The following PARP15 variants were observed in gnomAD, a reference collection of about 807,000 sequenced individuals.
The protein encoded by PARP15 is poly(ADP-ribose) polymerase family member 15.
PARP15 carries 50 observed loss-of-function variants against 62.1 expected under a neutral mutation model. The ratio of observed to expected loss-of-function variants is 0.81; its 90% CI spans 0.64 to 1.02. The LOEUF (loss-of-function observed/expected upper bound fraction) is 1.02. PARP15 is among the 50% of genes least tolerant of loss of function. The pLI is 0.00. For missense variants in PARP15, 820 were observed against 826.5 expected, an observed-to-expected ratio of 0.99 and a Z score of 0.10; for synonymous variants, 309 against 293.1, an observed-to-expected ratio of 1.05 and a Z score of -0.55.
At chr3:122,615,041 A>AG in intron 4 of PARP15, 1 of 971,590 alleles carries the variant, frequency 1.0e-6, no homozygotes, top group Non-Finnish European at 1.2e-6. Context: ...AAAAAAAAAA[A>AG]AAAAAGAAAA....
intron 1 of PARP15, among the ~76,000 whole-genome samples, chr3:122,582,451 A>G (rs1262986097): frequency 6.6e-6 from 1 of 152,242 alleles, no homozygotes; most frequent in Non-Finnish European, 1.5e-5. Context: ...TGTTGAGATT[A>G]AATGTAAGAG....
At chr3:122,625,726 C>A (rs1936680100) in intron 8 of PARP15, among the ~76,000 whole-genome samples, 1 of 152,182 alleles carries the variant, frequency 6.6e-6, no homozygotes, top group Admixed American at 6.5e-5. Flanking sequence ...CTTGCTGATA[C>A]CTTGGCCTCA....
intron 2 of PARP15, 63 bp downstream of exon 2, chr3:122,606,118 A>G (rs1186984815): frequency 1.4e-6 from 2 of 1,469,382 alleles, no homozygotes; most frequent in Non-Finnish European, 1.8e-6. Flanking sequence ...TTGTTCTGTG[A>G]GTTGTTCCAT....
chr3:122,623,824 C>T (rs902445506), intron 8 of PARP15, among the ~76,000 whole-genome samples: 1 of 152,132 alleles, frequency 6.6e-6, no homozygotes, highest in Non-Finnish European at 1.5e-5. Flanking sequence ...TGTTCTCTTC[C>T]CCATTGATTT....
chr3:122,599,041 G>A (rs552674339), intron 1 of PARP15, among the ~76,000 whole-genome samples: 7 of 152,162 alleles, frequency 4.6e-5, no homozygotes, highest in African/African-American at 1.4e-4. Context: ...GACTTCAGGT[G>A]TGCGCCACCA....
intron 4 of PARP15, chr3:122,615,090 AG>A (rs1935864903): frequency 2.0e-6 from 2 of 984,422 alleles, no homozygotes. Flanking sequence ...AAGAAAAAGT[AG>A]AAACAGTCCC....
intron 1 of PARP15, among the ~76,000 whole-genome samples, chr3:122,591,764 CA>C (rs66536667): frequency 5.8e-4 from 60 of 103,408 alleles, no homozygotes; most frequent in African/African-American, 1.9e-3. Context: ...GACTCTGTCT[CA>C]AAAAAAAAAA....
Position 122,594,607 on chromosome 3 carries a change from G to T in PARP15, c.187-11329G>T, listed in dbSNP as rs912282768. The T allele has an allele frequency of 3.2e-6, 3 of 946,378 alleles. No homozygotes were observed. The East Asian group carries it at 3.5e-4, about 109-fold the overall frequency. The allele number at this position is 946,378 out of a possible 1,614,324, so 58.6% of individuals were successfully genotyped here. Reference sequence around the variant, plus strand: ...GGTAGGGGAGGTTGAAATTGACGTTGTGAAATCTAACTTTACATAGAAATT... The same window carrying T: ...GGTAGGGGAGGTTGAAATTGACGTTTTGAAATCTAACTTTACATAGAAATT... On this transcript the variant is annotated intron_variant, in intron 1 of 11. Transcript: ENST00000464300.
intron 1 of PARP15, among the ~76,000 whole-genome samples, chr3:122,581,819 A>G (rs1932971691): frequency 6.6e-6 from 1 of 152,174 alleles, no homozygotes. Flanking sequence ...GCCAAATTCA[A>G]TGCCATCAAG....
intron 1 of PARP15, among the ~76,000 whole-genome samples, chr3:122,595,967 T>C (rs1276314980): frequency 6.6e-6 from 1 of 152,178 alleles, no homozygotes; most frequent in Non-Finnish European, 1.5e-5. Flanking sequence ...ACTGTGTACC[T>C]ATGGCTCAGT....
chr3:122,577,822 A>G lies in PARP15; in HGVS notation c.155A>G (p.Lys52Arg), dbSNP rs1559912029. ...VLPAGNRGAR[K>R]ASRRSSSRSM... ...CCGGCCGGGAACCGTGGGGCGCGGA[A>G]GGCCTCCCGGCGCTCTTCCTCCCGG... The change falls in exon 1 of 12, where the codon AAG becomes AGG. Residue 52 changes from lysine (K) to arginine (R), a missense_variant. Lys to Arg is a conservative substitution (Grantham distance 26). Coordinates refer to ENST00000464300, the MANE Select transcript of PARP15 (RefSeq NM_001113523.3). The G allele has an allele frequency of 1.3e-6, 2 of 1,550,258 alleles. No individual in the cohort carries two copies. Among genetic ancestry groups the G allele is most frequent in the East Asian group, 2.4e-5 (1 of 40,850 alleles).
chr3:122,579,603 T>C (rs746457418), intron 1 of PARP15, among the ~76,000 whole-genome samples: 20 of 152,244 alleles, frequency 1.3e-4, no homozygotes, highest in Non-Finnish European at 2.8e-4. Context: ...TAGGTATCAC[T>C]AATTTGCTAC....
Position 122,608,143 on chromosome 3 carries a change from T to TA in PARP15, c.306+2088_306+2089insA, listed in dbSNP as rs1204793263. 3.7e-3 allele frequency among the ~76,000 whole-genome samples: 563 copies of TA among 152,152 alleles called. 2 individuals are homozygous for TA. Among genetic ancestry groups the TA allele is most frequent in the Non-Finnish European group, 6.9e-3 (468 of 67,970 alleles). On this transcript the variant is annotated intron_variant, in intron 2 of 11. Coordinates refer to ENST00000464300, the MANE Select transcript of PARP15 (RefSeq NM_001113523.3). Reference sequence around the variant, plus strand: ...GCCGCTCTTCTCACTACTGAACCTCTGCTTTAGCTAAATTTGGACTACTTT... The same window carrying TA: ...GCCGCTCTTCTCACTACTGAACCTCTAGCTTTAGCTAAATTTGGACTACTTT...
intron 4 of PARP15, chr3:122,615,388 C>G: frequency 7.7e-7 from 1 of 1,296,686 alleles, no homozygotes; most frequent in Non-Finnish European, 1.0e-6. Flanking sequence ...AACGTTGTTG[C>G]CCTGCCCCCT....
chr3:122,617,576 GCTCTT>G (rs1432439388), intron 6 of PARP15, among the ~76,000 whole-genome samples: 3 of 152,100 alleles, frequency 2.0e-5, no homozygotes, highest in Non-Finnish European at 4.4e-5. Context: ...ACCTTCGGTA[GCTCTT>G]CTCTTCTCTG....
intron 1 of PARP15, among the ~76,000 whole-genome samples, chr3:122,593,389 A>G (rs1257893760): frequency 6.6e-6 from 1 of 152,020 alleles, no homozygotes; most frequent in Non-Finnish European, 1.5e-5. Context: ...TGATCCACCC[A>G]CCTCAGCCTC....
At chr3:122,604,888 T>A (rs924619572) in intron 1 of PARP15, among the ~76,000 whole-genome samples, 39 of 146,040 alleles carry the variant, frequency 2.7e-4, no homozygotes, top group African/African-American at 9.5e-4. Flanking sequence ...ATACAGAAAT[T>A]AGCGGGGTGT....
At chr3:122,591,062 T>C (rs1359697090) in intron 1 of PARP15, among the ~76,000 whole-genome samples, 1 of 152,240 alleles carries the variant, frequency 6.6e-6, no homozygotes, top group Non-Finnish European at 1.5e-5. Context: ...GAGTTACCAT[T>C]TTCCTTGTTA....
intron 1 of PARP15, among the ~76,000 whole-genome samples, chr3:122,594,233 T>A (rs569425530): frequency 6.6e-6 from 1 of 152,100 alleles, no homozygotes; most frequent in Non-Finnish European, 1.5e-5. Context: ...CCAAGGAGTT[T>A]AAGGTTACAG....
Sources: gnomAD v4.1 joint callset for allele counts (sites outside exome capture counted in the v4.1 genomes callset) on GRCh38, gnomAD v4.1.1 for gene constraint, MANE v1.5 for transcripts, NCBI Gene and HGNC (gene_info 2026-07-23, HGNC 2026-07-21) for gene names.